PDZRN4: variants seen among roughly 807,000 people sequenced by gnomAD.
PDZRN4 encodes the protein PDZ domain-containing RING finger protein 4.
Under a neutral mutation model 99.0 loss-of-function variants are expected in PDZRN4, and 70 were observed. The ratio of observed to expected loss-of-function variants is 0.71; its 90% CI spans 0.58 to 0.86. PDZRN4 has a LOEUF of 0.86. Ranked by LOEUF, PDZRN4 falls within the 40% of genes least tolerant of loss-of-function variation. The pLI is 0.00. For missense variants in PDZRN4, 1,474 were observed against 1,331.2 expected, an observed-to-expected ratio of 1.11 and a Z score of -1.67; for synonymous variants, 551 against 501.6, an observed-to-expected ratio of 1.10 and a Z score of -1.32.
chr12:41,426,906 A>G (rs780136042), intron 3 of PDZRN4, among the ~76,000 whole-genome samples: 3 of 152,212 alleles, frequency 2.0e-5, no homozygotes, highest in African/African-American at 7.2e-5. Flanking sequence ...CAGATTTGCT[A>G]TGAATAACTC....
chr12:41,212,039 T>A (rs970503218), intron 3 of PDZRN4, among the ~76,000 whole-genome samples: 1 of 152,008 alleles, frequency 6.6e-6, no homozygotes, highest in Non-Finnish European at 1.5e-5. Flanking sequence ...TGGAACAGAA[T>A]CAACCTTTAT....
chr12:41,293,794 T>A (rs1178871114), intron 3 of PDZRN4, among the ~76,000 whole-genome samples: 1 of 152,194 alleles, frequency 6.6e-6, no homozygotes, highest in East Asian at 1.9e-4. Flanking sequence ...ATTTCTGTAG[T>A]GTTTCACAGT....
intron 3 of PDZRN4, among the ~76,000 whole-genome samples, chr12:41,381,114 T>C (rs1303101345): frequency 6.6e-6 from 1 of 152,212 alleles, no homozygotes; most frequent in African/African-American, 2.4e-5. Context: ...TTCTATGTGA[T>C]GTCACTTTTC....
chr12:41,422,663 T>G (rs531183357), intron 3 of PDZRN4, among the ~76,000 whole-genome samples: 218 of 152,212 alleles, frequency 1.4e-3, no homozygotes, highest in African/African-American at 5.1e-3. Context: ...ACTCACTTAC[T>G]GTCAGAACAG....
chr12:41,351,190 T>C (rs1951887244), intron 3 of PDZRN4, among the ~76,000 whole-genome samples: 1 of 152,078 alleles, frequency 6.6e-6, no homozygotes, highest in South Asian at 2.1e-4. Flanking sequence ...TAGGTGATAA[T>C]CCCTTCAGAC....
At chr12:41,265,845 G>A (rs1951272328) in intron 3 of PDZRN4, among the ~76,000 whole-genome samples, 1 of 150,572 alleles carries the variant, frequency 6.6e-6, no homozygotes, top group South Asian at 2.1e-4. Flanking sequence ...AAACACAGGG[G>A]AAATAGTTTA....
chr12:41,419,234 G>T (rs533588251), intron 3 of PDZRN4, among the ~76,000 whole-genome samples: 2 of 152,244 alleles, frequency 1.3e-5, no homozygotes, highest in East Asian at 1.9e-4. Context: ...TCACCATAAA[G>T]CTGGTTGGAC....
intron 3 of PDZRN4, among the ~76,000 whole-genome samples, chr12:41,381,814 G>C (rs147505717): frequency 6.6e-6 from 1 of 152,028 alleles, no homozygotes; most frequent in Non-Finnish European, 1.5e-5. Context: ...ATTGGTATGC[G>C]TACATTTGAG....
At chr12:41,483,333 A>G (rs1331773420) in intron 3 of PDZRN4, among the ~76,000 whole-genome samples, 1 of 152,166 alleles carries the variant, frequency 6.6e-6, no homozygotes, top group Non-Finnish European at 1.5e-5. Context: ...GAAGGATATC[A>G]AGAAGAGTGA....
intron 3 of PDZRN4, among the ~76,000 whole-genome samples, chr12:41,241,821 G>A (rs1951103767): frequency 6.6e-6 from 1 of 152,142 alleles, no homozygotes; most frequent in South Asian, 2.1e-4. Context: ...TATAGTGTCA[G>A]CCACTCTTAA....
At chr12:41,495,206 C>T (rs1253555908) in intron 3 of PDZRN4, among the ~76,000 whole-genome samples, 1 of 151,852 alleles carries the variant, frequency 6.6e-6, no homozygotes, top group Non-Finnish European at 1.5e-5. Flanking sequence ...GGAACAGTTA[C>T]CCAATTGGCT....
chr12:41,198,123 G>A (rs995181351), intron 3 of PDZRN4, among the ~76,000 whole-genome samples: 1 of 151,890 alleles, frequency 6.6e-6, no homozygotes, highest in Non-Finnish European at 1.5e-5. Context: ...TCACCATGCT[G>A]CCCAGGCTGG....
intron 3 of PDZRN4, among the ~76,000 whole-genome samples, chr12:41,503,172 C>CATGTGT (rs1938140338): frequency 6.6e-6 from 1 of 152,046 alleles, no homozygotes; most frequent in South Asian, 2.1e-4. Context: ...TCTAAGGGAT[C>CATGTGT]ATGTGTAGCA....
intron 3 of PDZRN4, among the ~76,000 whole-genome samples, chr12:41,199,977 C>A (rs1183661764): frequency 6.6e-6 from 1 of 151,924 alleles, no homozygotes; most frequent in African/African-American, 2.4e-5. Context: ...AATGTATCCA[C>A]ATAAAAAAAC....
At chr12:41,468,845 T>C (rs549265778) in intron 3 of PDZRN4, among the ~76,000 whole-genome samples, 1 of 152,188 alleles carries the variant, frequency 6.6e-6, no homozygotes, top group Non-Finnish European at 1.5e-5. Context: ...TTGTCTTTAA[T>C]TTTTGTTACT....
chr12:41,449,214 C>A (rs1490211319), intron 3 of PDZRN4, among the ~76,000 whole-genome samples: 1 of 152,126 alleles, frequency 6.6e-6, no homozygotes, highest in Non-Finnish European at 1.5e-5. Flanking sequence ...TCCAGGAAAT[C>A]TTCCTAGAGT....
At chr12:41,263,114 TAATG>T (rs1951253284) in intron 3 of PDZRN4, among the ~76,000 whole-genome samples, 1 of 152,092 alleles carries the variant, frequency 6.6e-6, no homozygotes, top group Non-Finnish European at 1.5e-5. Flanking sequence ...AAAGCAAAAA[TAATG>T]TGTGTGTGTG....
At chr12:41,417,800 A>G (rs1284558404) in intron 3 of PDZRN4, among the ~76,000 whole-genome samples, 2 of 152,222 alleles carry the variant, frequency 1.3e-5, no homozygotes, top group African/African-American at 2.4e-5. Context: ...GCAAGACTAT[A>G]CAGTGTATGT....
At chr12:41,527,777 G>A (rs1938594788) in intron 5 of PDZRN4, among the ~76,000 whole-genome samples, 1 of 152,230 alleles carries the variant, frequency 6.6e-6, no homozygotes, top group East Asian at 1.9e-4. Flanking sequence ...TGAGACGACA[G>A]TGGGGAATGC....
Sources: allele counts gnomAD v4.1 joint callset (sites outside exome capture counted in the v4.1 genomes callset), GRCh38; gene constraint gnomAD v4.1.1; transcripts MANE v1.5; gene names NCBI Gene and HGNC (gene_info 2026-07-23, HGNC 2026-07-21).